Variants in CD53 observed in about 807,000 individuals in gnomAD.
CD53 encodes CD53 molecule.
CD53 carries 20 observed loss-of-function variants against 27.3 expected under a neutral mutation model. The observed-to-expected ratio is 0.73, with a 90% CI of 0.52 to 1.07. The LOEUF (loss-of-function observed/expected upper bound fraction) is 1.07, where lower values mean the gene tolerates loss of function less well. CD53 is among the 50% of genes least tolerant of loss of function. CD53 has a pLI of 0.00. For missense variants in CD53, 216 were observed against 264.0 expected (o/e 0.82, Z 1.26); for synonymous variants, 106 against 105.3 (o/e 1.01, Z -0.04).
chr1:110,899,428 A>C lies in CD53; in HGVS notation c.*233A>C. 3 of 441,784 alleles carry C rather than the reference A, an allele frequency of 6.8e-6. No individual in the cohort carries two copies. Among genetic ancestry groups the C allele is most frequent in the Non-Finnish European group, 1.2e-5 (3 of 242,884 alleles). 27.4% of individuals were successfully genotyped at this position (441,784 alleles called of 1,614,324 possible). On this transcript the variant is annotated 3_prime_UTR_variant, in exon 8 of 8. Coordinates refer to ENST00000271324, the MANE Select transcript of CD53 (RefSeq NM_000560.4). ...AGCAGCCATGTCTCTCAAAGTGGTG[A>C]AACTAATATCTGAGCATCTTTTAGA...
At chr1:110,880,023 A>C (rs1319697533) in intron 1 of CD53, among the ~76,000 whole-genome samples, 1 of 152,226 alleles carries the variant, frequency 6.6e-6, no homozygotes, top group Non-Finnish European at 1.5e-5. Context: ...CCATTGGAGG[A>C]AACTAAAGAG....
At position 110,897,912 on chromosome 1, in the gene CD53, G is replaced by T; in HGVS notation, c.588+20G>T. 1 of 1,416,144 alleles carries T rather than the reference G, an allele frequency of 7.1e-7. No individual in the cohort carries two copies. Among genetic ancestry groups the T allele is most frequent in the Non-Finnish European group, 9.9e-7 (1 of 1,005,096 alleles). The allele number at this position is 1,416,144 out of a possible 1,614,324, so 87.7% of individuals were successfully genotyped here. A position where few individuals can be genotyped will look rare whatever the true frequency, so the allele number is the denominator to read the frequency against. On this transcript the variant is annotated intron_variant, in intron 7 of 7. Transcript: ENST00000271324. The stretch of plus-strand genomic sequence containing the variant: ...ATTGAGGTAAGAGCTTAACCACAGG[G>T]TTATTGTGAGGATTACATGAGTTAA...
chr1:110,891,592 C>G, intron 2 of CD53, 121 bp downstream of exon 2: 1 of 740,876 alleles, frequency 1.3e-6, no homozygotes, highest in Non-Finnish European at 2.4e-6. Flanking sequence ...ATGTCCAGCA[C>G]AACCATCCTA....
chr1:110,876,373 T>C (rs774435473), intron 1 of CD53, among the ~76,000 whole-genome samples: 5 of 152,242 alleles, frequency 3.3e-5, no homozygotes, highest in Admixed American at 6.5e-5. Context: ...AAATTCCTAG[T>C]GCATTTTAAC....
chr1:110,873,851 T>C (rs1656033013), intron 1 of CD53, among the ~76,000 whole-genome samples: 1 of 152,208 alleles, frequency 6.6e-6, no homozygotes, highest in South Asian at 2.1e-4. Flanking sequence ...GATTGTTGGC[T>C]TTTAAGGAGC....
At chr1:110,880,277 A>G (rs1381998053) in intron 1 of CD53, 1 of 152,316 alleles carries the variant, frequency 6.6e-6, no homozygotes, top group Non-Finnish European at 1.5e-5. Flanking sequence ...GAAACGGAGC[A>G]GCATTCTCTC....
chr1:110,874,729 C>A (rs369911158), intron 1 of CD53, among the ~76,000 whole-genome samples: 75 of 152,332 alleles, frequency 4.9e-4, no homozygotes, highest in African/African-American at 1.8e-3. Flanking sequence ...CAAGTTCATG[C>A]CTTCACAGCT....
chr1:110,885,646 T>TGA (rs1372536251), intron 1 of CD53, among the ~76,000 whole-genome samples: 2 of 152,174 alleles, frequency 1.3e-5, no homozygotes, highest in East Asian at 3.9e-4. Context: ...GCAGATCACC[T>TGA]GAGGTCAGGA....
At chr1:110,892,740 C>A (rs1656908231) in intron 3 of CD53, 2 of 524,932 alleles carry the variant, frequency 3.8e-6, no homozygotes, top group South Asian at 2.9e-5. Flanking sequence ...GCATTGCTAT[C>A]CCCCTTGTAG....
At chr1:110,871,753 G>A (rs1655973890), upstream of CD53, among the ~76,000 whole-genome samples, 1 of 151,216 alleles carries the variant, frequency 6.6e-6, no homozygotes, top group East Asian at 1.9e-4. Context: ...GAGGTGCAGA[G>A]ACTTTTTAAT....
chr1:110,890,059 G>A (rs1021590831), intron 1 of CD53, among the ~76,000 whole-genome samples: 1 of 152,102 alleles, frequency 6.6e-6, no homozygotes, highest in Non-Finnish European at 1.5e-5. Context: ...CTTATCTACA[G>A]CCTGGATGAA....
chr1:110,887,660 C>T (rs764709974), intron 1 of CD53, among the ~76,000 whole-genome samples: 59 of 152,246 alleles, frequency 3.9e-4, no homozygotes, highest in Middle Eastern at 3.4e-3. Context: ...GCTATCTGTT[C>T]CCTATTACTG....
rs1656308194 is a variant in CD53, at chr1:110,880,335, T to A, written c.-18+7087T>A. 2.0e-5 allele frequency: 3 copies of A among 152,058 alleles called. No homozygotes were observed. The South Asian group carries it at 6.2e-4, about 31-fold the overall frequency. The allele number at this position is 152,058 out of a possible 1,614,324, so 9.4% of individuals were successfully genotyped here. On this transcript the variant is annotated intron_variant, in intron 1 of 7. Transcript: ENST00000271324. Reference sequence around the variant, plus strand: ...AAAAGTAGTGACAATCTTCACCAGGTGAGAAGATTTTCTTACTCAATTTAG... The same window carrying A: ...AAAAGTAGTGACAATCTTCACCAGGAGAGAAGATTTTCTTACTCAATTTAG...
chr1:110,881,772 T>A (rs960033943), intron 1 of CD53, among the ~76,000 whole-genome samples: 4 of 152,200 alleles, frequency 2.6e-5, no homozygotes, highest in Non-Finnish European at 5.9e-5. Flanking sequence ...CAACACTTGG[T>A]GTGGTCAGGT....
At chr1:110,892,820 T>A (rs1656910724) in intron 3 of CD53, 3 of 289,034 alleles carry the variant, frequency 1.0e-5, no homozygotes, top group Admixed American at 9.3e-5. Context: ...TTATTTTTTC[T>A]TTATGTCTGG....
At chr1:110,883,480 T>C (rs1553203073) in intron 1 of CD53, among the ~76,000 whole-genome samples, 1 of 152,026 alleles carries the variant, frequency 6.6e-6, no homozygotes, top group Non-Finnish European at 1.5e-5. Context: ...TTTTCACATC[T>C]TGTTCTGAGG....
chr1:110,890,686 C>G (rs184861976), intron 1 of CD53, among the ~76,000 whole-genome samples: 1 of 152,324 alleles, frequency 6.6e-6, no homozygotes, highest in East Asian at 1.9e-4. Flanking sequence ...GATGTCCTCA[C>G]TAAGAAAATG....
chr1:110,873,481 G>A (rs914267511), intron 1 of CD53, among the ~76,000 whole-genome samples: 1 of 152,266 alleles, frequency 6.6e-6, no homozygotes, highest in East Asian at 1.9e-4. Context: ...TCTCTGAGTC[G>A]AGGCATTCAC....
chr1:110,882,427 T>C (rs1045235036), intron 1 of CD53, among the ~76,000 whole-genome samples: 3 of 152,114 alleles, frequency 2.0e-5, no homozygotes, highest in African/African-American at 7.2e-5. Flanking sequence ...TTCTGTTCTC[T>C]TGATATATTT....
Sources: gnomAD v4.1 joint callset for allele counts (sites outside exome capture counted in the v4.1 genomes callset) on GRCh38, gnomAD v4.1.1 for gene constraint, MANE v1.5 for transcripts, NCBI Gene and HGNC (gene_info 2026-07-23, HGNC 2026-07-21) for gene names.